CNTNAP5: variants seen among roughly 807,000 people sequenced by gnomAD.
CNTNAP5 encodes contactin associated protein family member 5.
In CNTNAP5, 72 loss-of-function variants were observed where a neutral mutation model predicts 150.2. The ratio of observed to expected loss-of-function variants is 0.48; its 90% CI spans 0.40 to 0.58. The LOEUF (loss-of-function observed/expected upper bound fraction) is 0.58. CNTNAP5 is among the 20% of genes least tolerant of loss of function. The pLI, the probability that CNTNAP5 is intolerant of heterozygous loss-of-function variation, is 0.00. For synonymous variants in CNTNAP5, 672 were observed against 619.8 expected, an observed-to-expected ratio of 1.08 and a Z score of -1.25; for missense variants, 1,636 against 1,626.2, an observed-to-expected ratio of 1.01 and a Z score of -0.10.
chr2:124,190,760 C>T, intron 1 of CNTNAP5, among the ~76,000 whole-genome samples: 1 of 152,160 alleles, frequency 6.6e-6, no homozygotes, highest in East Asian at 1.9e-4. Context: ...TTATTAAAAA[C>T]AATATACAAG....
intron 6 of CNTNAP5, among the ~76,000 whole-genome samples, chr2:124,466,292 C>T (rs1693377732): frequency 6.6e-6 from 1 of 152,106 alleles, no homozygotes. Context: ...GCCTAGCCTT[C>T]AAATATCCTA....
At chr2:124,643,433 CA>C (rs1376687980) in intron 12 of CNTNAP5, among the ~76,000 whole-genome samples, 1 of 151,884 alleles carries the variant, frequency 6.6e-6, no homozygotes, top group Non-Finnish European at 1.5e-5. Flanking sequence ...GAAGGAATTT[CA>C]GGAAATGCAA....
At chr2:124,825,108 A>G (rs1682565907) in intron 19 of CNTNAP5, among the ~76,000 whole-genome samples, 1 of 152,182 alleles carries the variant, frequency 6.6e-6, no homozygotes, top group African/African-American at 2.4e-5. Context: ...AGATAAATTG[A>G]GATAACTATT....
At chr2:124,491,412 C>T (rs1694022738) in intron 7 of CNTNAP5, among the ~76,000 whole-genome samples, 1 of 147,952 alleles carries the variant, frequency 6.8e-6, no homozygotes, top group Non-Finnish European at 1.5e-5. Flanking sequence ...TATATATATT[C>T]TTATTTATGT....
chr2:124,509,529 A>G (rs909733187), intron 8 of CNTNAP5, among the ~76,000 whole-genome samples: 1 of 152,186 alleles, frequency 6.6e-6, no homozygotes, highest in Non-Finnish European at 1.5e-5. Flanking sequence ...CTGTAAAAAA[A>G]CTCATAAAAC....
chr2:124,865,959 G>GA (rs1278819001), intron 20 of CNTNAP5, among the ~76,000 whole-genome samples: 1 of 146,648 alleles, frequency 6.8e-6, no homozygotes, highest in East Asian at 2.1e-4. Flanking sequence ...AAAATTAAAA[G>GA]AAAAAAAGAA....
intron 21 of CNTNAP5, among the ~76,000 whole-genome samples, chr2:124,899,208 G>A (rs907837561): frequency 6.6e-6 from 1 of 151,370 alleles, no homozygotes; most frequent in Non-Finnish European, 1.5e-5. Flanking sequence ...TGGTTATTGA[G>A]CTATAAATTT....
chr2:124,527,079 T>G (rs983613179), intron 9 of CNTNAP5, among the ~76,000 whole-genome samples: 5 of 152,180 alleles, frequency 3.3e-5, no homozygotes, highest in Non-Finnish European at 5.9e-5. Context: ...GCTTTTTATT[T>G]TCTCTACAGT....
At chr2:124,496,227 G>A (rs1282244638) in intron 7 of CNTNAP5, among the ~76,000 whole-genome samples, 1 of 152,164 alleles carries the variant, frequency 6.6e-6, no homozygotes, top group Non-Finnish European at 1.5e-5. Flanking sequence ...GAGTCACCCT[G>A]AGTTTGTGAA....
At chr2:124,691,708 TG>T (rs1475876112) in intron 13 of CNTNAP5, among the ~76,000 whole-genome samples, 2 of 152,080 alleles carry the variant, frequency 1.3e-5, no homozygotes, top group African/African-American at 4.8e-5. Context: ...ATGCGCTCAG[TG>T]GTCCCAGTTT....
At chr2:124,362,112 G>A (rs915881008) in intron 3 of CNTNAP5, among the ~76,000 whole-genome samples, 4 of 152,220 alleles carry the variant, frequency 2.6e-5, no homozygotes, top group African/African-American at 9.6e-5. Context: ...CTCGGAAAGG[G>A]AACTCCCTGA....
chr2:124,273,824 T>G (rs543843278), intron 3 of CNTNAP5, among the ~76,000 whole-genome samples: 2 of 152,168 alleles, frequency 1.3e-5, no homozygotes, highest in Non-Finnish European at 2.9e-5. Flanking sequence ...TCCCTATAAC[T>G]TTATTTATAA....
chr2:124,575,072 T>C (rs1429363547), intron 11 of CNTNAP5, among the ~76,000 whole-genome samples: 2 of 152,166 alleles, frequency 1.3e-5, no homozygotes, highest in Admixed American at 6.5e-5. Flanking sequence ...CATCATTTTT[T>C]TCCCACTGCA....
At chr2:124,228,771 C>A (rs1686534952) in intron 2 of CNTNAP5, among the ~76,000 whole-genome samples, 1 of 152,118 alleles carries the variant, frequency 6.6e-6, no homozygotes, top group Admixed American at 6.6e-5. Context: ...CTACTCTACA[C>A]CATTCAGCCT....
chr2:124,458,193 GA>G (rs1338793154), intron 6 of CNTNAP5, among the ~76,000 whole-genome samples: 1 of 89,882 alleles, frequency 1.1e-5, no homozygotes, highest in Non-Finnish European at 2.4e-5. Flanking sequence ...AGTGGATAAA[GA>G]AACTAATATA....
intron 1 of CNTNAP5, among the ~76,000 whole-genome samples, chr2:124,094,260 G>A (rs1378118644): frequency 3.9e-5 from 6 of 152,184 alleles, no homozygotes; most frequent in Non-Finnish European, 5.9e-5. Context: ...GCAGAAATAG[G>A]AGGAACTTTG....
At chr2:124,613,003 G>T (rs1013018272) in intron 12 of CNTNAP5, among the ~76,000 whole-genome samples, 2 of 152,162 alleles carry the variant, frequency 1.3e-5, no homozygotes, top group Admixed American at 6.5e-5. Context: ...AGTGAGCCGA[G>T]ATTGTGCCAC....
intron 12 of CNTNAP5, among the ~76,000 whole-genome samples, chr2:124,631,440 T>C (rs1025798800): frequency 6.6e-6 from 1 of 152,190 alleles, no homozygotes; most frequent in Admixed American, 6.5e-5. Flanking sequence ...AACCATCTCA[T>C]CTTTGACAAA....
chr2:124,833,322 C>T (rs901667037), intron 19 of CNTNAP5, among the ~76,000 whole-genome samples: 8 of 152,110 alleles, frequency 5.3e-5, no homozygotes, highest in African/African-American at 1.9e-4. Flanking sequence ...AGTATGAGAT[C>T]TGAGACTCAG....
Sources: allele counts gnomAD v4.1 joint callset (sites outside exome capture counted in the v4.1 genomes callset), GRCh38; gene constraint gnomAD v4.1.1; transcripts MANE v1.5; gene names NCBI Gene and HGNC (gene_info 2026-07-23, HGNC 2026-07-21).